Variants in MAP3K11 observed in about 807,000 individuals in gnomAD.
MAP3K11 encodes SH3 domain-containing proline-rich kinase.
A neutral mutation model predicts 84.9 loss-of-function variants in MAP3K11; 46 were observed. That is an observed-to-expected ratio of 0.54 (90% CI 0.43 to 0.69). The LOEUF is 0.69. Ranked by LOEUF, MAP3K11 falls within the 30% of genes least tolerant of loss-of-function variation. The probability of loss-of-function intolerance (pLI) is 0.00; values close to 1 mark genes in which losing one functional copy is unlikely to be tolerated. For synonymous variants in MAP3K11, 527 were observed against 514.7 expected (o/e 1.02, Z -0.32); for missense variants, 1,053 against 1,198.3 (o/e 0.88, Z 1.79).
chr11:65,598,903 T>C lies in MAP3K11; in HGVS notation c.2207-275A>G, dbSNP rs554766853. Among the ~76,000 whole-genome samples the C allele has an allele frequency of 7.9e-5, 12 of 152,236 alleles. No individual in the cohort carries two copies. The South Asian group carries it at 1.9e-3, about 24-fold the overall frequency. On this transcript the variant is annotated intron_variant, in intron 9 of 9. Coordinates refer to ENST00000309100, the MANE Select transcript of MAP3K11 (RefSeq NM_002419.4). ...AATCTCTGTGCCTTAAATTTCCTCA[T>C]CTAAAAATGGGCATCCAGGAGCGCT... is the stretch of plus-strand genomic sequence containing the variant.
intron 8 of MAP3K11, among the ~76,000 whole-genome samples, chr11:65,600,456 C>T (rs1466865864): frequency 3.3e-5 from 5 of 152,200 alleles, no homozygotes; most frequent in African/African-American, 1.2e-4. Context: ...AGGTTGAGGG[C>T]TTGTGCGGAG....
Position 65,613,555 on chromosome 11 carries a change from C to T in MAP3K11, c.202G>A (p.Val68Met). ...DELALRKGDR[V>M]EVLSRDAAIS... ...GCTGCGTCCCGGGACAGCACCTCCA[C>T]ACGGTCACCCTTCCTCAGGGCCAGC... The change falls in exon 1 of 10, where the codon GTG (valine) becomes ATG (methionine). Residue 68 changes from valine to methionine, a missense_variant. Physicochemically the swap from Val to Met is conservative, Grantham distance 21 (BLOSUM62 1). Transcript: ENST00000309100. 6.2e-7 allele frequency: 1 copy of T among 1,611,946 alleles called. No homozygotes were observed. The highest frequency in any genetic ancestry group is 8.5e-7 in the Non-Finnish European group (1 of 1,179,124).
In MAP3K11 at chr11:65,607,875, C is replaced by T. The variant is rs769675788; in HGVS notation, c.1069+47G>A. ...GAAGGGGTCCGTGGGTGGATGTGTCCTGGGCCAGGGAGCTCTGTACCTCAC... is the reference window on the plus strand; with the variant it reads ...GAAGGGGTCCGTGGGTGGATGTGTCTTGGGCCAGGGAGCTCTGTACCTCAC... On this transcript the variant is annotated intron_variant, in intron 3 of 9. Coordinates refer to ENST00000309100, the MANE Select transcript of MAP3K11 (RefSeq NM_002419.4). 5.0e-6 allele frequency: 8 copies of T among 1,608,622 alleles called. No homozygotes were observed. In the Admixed American group the frequency reaches 1.2e-4, roughly 24 times the overall value.
rs1178833565 is a variant in MAP3K11, at chr11:65,598,364, C to A, written c.2471G>T (p.Gly824Val). ...GGTCTGTGCCCTGCAGTCCTGGGGG[C>A]CCCCCTGGAAGGGGTTGGCAGGTGG... The part of the protein sequence containing the change: ...DSPPANPFQG[G>V]PQDCRAQTKD... The change falls in exon 10 of 10, where the codon GGC becomes GTC. Residue 824 changes from glycine (G) to valine (V), a missense_variant. Transcript: ENST00000309100. The A allele has an allele frequency of 8.5e-6, 13 of 1,536,912 alleles. No homozygotes were observed. The Admixed American group carries it at 1.6e-4, about 19-fold the overall frequency.
rs1182749295 is a variant in MAP3K11, at chr11:65,599,717, G to A, written c.1883C>T (p.Pro628Leu). ...LEPEEPKRPV[P>L]AERGSSSGTP... ...CCCAGAGCTGCTACCGCGCTCTGCG[G>A]GGACAGGCCTCTTGGGCTCCTCGGG... Residue 628 changes from proline to leucine, a missense_variant, in exon 9 of 10, where the codon CCC becomes CTC. Transcript: ENST00000309100. The A allele has an allele frequency of 6.3e-7, 1 of 1,586,840 alleles. No individual in the cohort carries two copies. The highest frequency in any genetic ancestry group is 8.5e-7 in the Non-Finnish European group (1 of 1,174,166).
Position 65,598,253 on chromosome 11 carries a change from C to A in MAP3K11, c.*38G>T. Reference sequence around the variant, plus strand: ...GTTCCAGTGTATGCTGTGACTCCTCCTAAGGCAGCTGGAGCTCGGGGGAGT... The same window carrying A: ...GTTCCAGTGTATGCTGTGACTCCTCATAAGGCAGCTGGAGCTCGGGGGAGT... On this transcript the variant is annotated 3_prime_UTR_variant, in exon 10 of 10. Coordinates refer to ENST00000309100, the MANE Select transcript of MAP3K11 (RefSeq NM_002419.4). 7.1e-7 allele frequency: 1 copy of A among 1,407,778 alleles called. No individual in the cohort carries two copies. Among genetic ancestry groups the A allele is most frequent in the East Asian group, 2.7e-5 (1 of 37,732 alleles). The allele number at this position is 1,407,778 out of a possible 1,614,324, so 87.2% of individuals were successfully genotyped here.
chr11:65,608,546 G>T, intron 1 of MAP3K11, 98 bp from the exon 2 acceptor site: 1 of 1,095,978 alleles, frequency 9.1e-7, no homozygotes, highest in Non-Finnish European at 1.4e-6. Context: ...TCCTGGCTGG[G>T]TCCTGGGGGC....
chr11:65,608,521 C>A, intron 1 of MAP3K11, 73 bp from the exon 2 acceptor site: 2 of 1,442,934 alleles, frequency 1.4e-6, no homozygotes, highest in African/African-American at 2.8e-5. Flanking sequence ...TGGGAGCAAA[C>A]TCATCTGACG....
At chr11:65,608,725 GT>G (rs1283923197) in intron 1 of MAP3K11, 1 of 372,212 alleles carries the variant, frequency 2.7e-6, no homozygotes, top group Non-Finnish European at 4.9e-6. Flanking sequence ...TCAAGCGATT[GT>G]CCTGCCCCAG....
intron 6 of MAP3K11, chr11:65,606,336 C>T (rs1854507439): frequency 2.2e-6 from 1 of 450,118 alleles, no homozygotes; most frequent in Admixed American, 4.3e-5. Context: ...GAGTTTGATT[C>T]TGGCTCTTCC....
At chr11:65,612,296 G>A (rs2135374362) in intron 1 of MAP3K11, 1 of 152,380 alleles carries the variant, frequency 6.6e-6, no homozygotes, top group South Asian at 2.1e-4. Context: ...TGAAATGATG[G>A]GAGATGGAGT....
rs557254674 is a variant in MAP3K11, at chr11:65,608,675, T to C, written c.740-227A>G. 3 of 501,854 alleles carry C rather than the reference T, an allele frequency of 6.0e-6. No homozygotes were observed. The Admixed American group carries it at 1.1e-4, about 18-fold the overall frequency. The allele number at this position is 501,854 out of a possible 1,614,324, so 31.1% of individuals were successfully genotyped here. The stretch of plus-strand genomic sequence containing the variant: ...TCTTGTTGCCCAGGCTGGAGTGCAA[T>C]GGCGTGATCTTGGCTCACTGCAACC... On this transcript the variant is annotated intron_variant, in intron 1 of 9. Transcript: ENST00000309100.
rs372990230 is a variant in MAP3K11 at position 65,601,334 on chromosome 11, C to T, written c.1832-1566G>A. 1.2e-4 allele frequency among the ~76,000 whole-genome samples: 19 copies of T among 152,330 alleles called. 1 individual carries two copies. The highest frequency in any genetic ancestry group is 4.6e-4 in the African/African-American group (19 of 41,578). On this transcript the variant is annotated intron_variant, in intron 8 of 9. Transcript: ENST00000309100. ...CCTCTGTGAAGCCCTCCCAGAATCT[C>T]CCTGAACCTACACAGTTATTGCTCA...
chr11:65,603,846 C>T (rs989165910), intron 8 of MAP3K11, among the ~76,000 whole-genome samples: 1 of 152,254 alleles, frequency 6.6e-6, no homozygotes, highest in Non-Finnish European at 1.5e-5. Context: ...CCATGGTTTC[C>T]AGTGCTTTCA....
At position 65,607,063 on chromosome 11, in the gene MAP3K11, C is replaced by T. The variant is rs1854517690; in HGVS notation, c.1489+207G>A. On this transcript the variant is annotated intron_variant, in intron 5 of 9. Transcript: ENST00000309100. ...GAACTTTCGTGAACCCCACCCCTTCCCACTCCCAGACCGACATGCAAATAC... is the reference window on the plus strand; with the variant it reads ...GAACTTTCGTGAACCCCACCCCTTCTCACTCCCAGACCGACATGCAAATAC... 4 of 788,618 alleles carry T rather than the reference C, an allele frequency of 5.1e-6. No individual in the cohort carries two copies. The East Asian group carries it at 1.3e-4, about 26-fold the overall frequency. The allele number at this position is 788,618 out of a possible 1,614,324, so 48.9% of individuals were successfully genotyped here.
chr11:65,607,572 G>A, intron 4 of MAP3K11, 59 bp from the exon 5 acceptor site: 1 of 1,551,812 alleles, frequency 6.4e-7, no homozygotes, highest in Non-Finnish European at 8.7e-7. Flanking sequence ...GGCAGCGCCC[G>A]CCCCGACTCT....
Position 65,599,708 on chromosome 11 carries a change from C to G in MAP3K11, c.1892G>C (p.Arg631Pro), listed in dbSNP as rs763182102. 2 of 1,581,380 alleles carry G rather than the reference C, an allele frequency of 1.3e-6. No homozygotes were observed. Among genetic ancestry groups the G allele is most frequent in the Admixed American group, 3.5e-5 (2 of 56,764 alleles). Residue 631 changes from arginine to proline, a missense_variant, in exon 9 of 10, where the codon CGC becomes CCC. This residue lies in a region of MAP3K11 where 583 missense variants were observed against 566.6 expected (regional missense o/e 1.03). Coordinates refer to ENST00000309100, the MANE Select transcript of MAP3K11 (RefSeq NM_002419.4). ...EEPKRPVPAE[R>P]GSSSGTPKLI... ...CTTGGGCGTCCCAGAGCTGCTACCG[C>G]GCTCTGCGGGGACAGGCCTCTTGGG...
intron 8 of MAP3K11, among the ~76,000 whole-genome samples, chr11:65,603,939 G>A (rs917159805): frequency 3.9e-5 from 6 of 152,168 alleles, no homozygotes; most frequent in Non-Finnish European, 8.8e-5. Flanking sequence ...TGGGGGCTGC[G>A]GCTCTCTCAG....
rs1333013872 is a variant in MAP3K11, at chr11:65,608,537, C to G, written c.740-89G>C. The G allele has an allele frequency of 3.2e-6, 4 of 1,255,154 alleles. No homozygotes were observed. The Admixed American group carries it at 7.6e-5, about 24-fold the overall frequency. 77.8% of individuals were successfully genotyped at this position (1,255,154 alleles called of 1,614,324 possible). On this transcript the variant is annotated intron_variant, in intron 1 of 9. Transcript: ENST00000309100. ...GGGAGCAAACTCATCTGACGGACAT[C>G]CTGGCTGGGTCCTGGGGGCACAGAG...
Sources: allele counts gnomAD v4.1 joint callset (sites outside exome capture counted in the v4.1 genomes callset), GRCh38; gene constraint gnomAD v4.1.1; regional missense constraint gnomAD v4.1.1; transcripts MANE v1.5; gene names NCBI Gene and HGNC (gene_info 2026-07-23, HGNC 2026-07-21).